The following TRIP12 variants were observed in gnomAD, a reference collection of about 807,000 sequenced individuals.
TRIP12 encodes the protein E3 ubiquitin-protein ligase TRIP12.
A neutral mutation model predicts 244.2 loss-of-function variants in TRIP12; 25 were observed. The ratio of observed to expected loss-of-function variants is 0.10; its 90% CI spans 0.07 to 0.14. The LOEUF (loss-of-function observed/expected upper bound fraction) is 0.14, where lower values mean the gene tolerates loss of function less well. TRIP12 is among the 10% of genes least tolerant of loss of function. The pLI is 1.00. For missense variants in TRIP12, 1,677 were observed against 2,486.4 expected (o/e 0.67, Z 6.92); for synonymous variants, 905 against 873.1 (o/e 1.04, Z -0.64).
intron 8 of TRIP12, among the ~76,000 whole-genome samples, chr2:229,819,008 AGAATG>A: frequency 6.6e-6 from 1 of 151,960 alleles, no homozygotes; most frequent in Middle Eastern, 3.4e-3. Flanking sequence ...AACAAAAAAG[AGAATG>A]GAAAGAATAT....
At chr2:229,811,928 A>G (rs963512698) in intron 13 of TRIP12, among the ~76,000 whole-genome samples, 1 of 152,206 alleles carries the variant, frequency 6.6e-6, no homozygotes, top group Non-Finnish European at 1.5e-5. Context: ...ACCTTCACTG[A>G]CACTACATAA....
intron 1 of TRIP12, among the ~76,000 whole-genome samples, chr2:229,906,892 C>T (rs1259876985): frequency 6.6e-6 from 1 of 152,032 alleles, no homozygotes; most frequent in African/African-American, 2.4e-5. Flanking sequence ...TATGCCATAT[C>T]ACACTGCTAA....
chr2:229,867,180 T>G (rs1265985418), intron 2 of TRIP12, among the ~76,000 whole-genome samples: 2 of 150,450 alleles, frequency 1.3e-5, no homozygotes, highest in African/African-American at 4.9e-5. Context: ...TGTTTTTTTT[T>G]TTTGAGACAG....
intron 37 of TRIP12, 64 bp from the exon 38 acceptor site, chr2:229,774,325 A>T (rs1273499950): frequency 6.8e-7 from 1 of 1,479,656 alleles, no homozygotes; most frequent in African/African-American, 1.4e-5. Flanking sequence ...GTTTAAAAAA[A>T]TAAAAGATAT....
chr2:229,777,755 T>C (rs1410006412), intron 36 of TRIP12, among the ~76,000 whole-genome samples: 1 of 152,196 alleles, frequency 6.6e-6, no homozygotes, highest in Non-Finnish European at 1.5e-5. Context: ...GAAAACTAAA[T>C]GGAACTTCTA....
At position 229,777,868 on chromosome 2, in the gene TRIP12, G is replaced by A. The variant is rs79692677; in HGVS notation, c.5365-389C>T. ...TTAAACATACTGATAAAGTGCCTCC[G>A]AAAACATGAGAAGAGCACGGTGGCT... On this transcript the variant is annotated intron_variant, in intron 36 of 41. Transcript: ENST00000675903. 3.4e-3 allele frequency among the ~76,000 whole-genome samples: 512 copies of A among 152,276 alleles called. 26 individuals are homozygous for A. The East Asian group carries it at 0.091, about 27-fold the overall frequency.
intron 3 of TRIP12, 97 bp downstream of exon 3, chr2:229,860,309 C>T: frequency 7.0e-7 from 1 of 1,433,580 alleles, no homozygotes; most frequent in South Asian, 1.5e-5. Context: ...AAATATGTAT[C>T]AAAACGTTTT....
chr2:229,872,051 G>A (rs1303629498), intron 2 of TRIP12, among the ~76,000 whole-genome samples: 2 of 132,130 alleles, frequency 1.5e-5, no homozygotes, highest in African/African-American at 2.7e-5. Flanking sequence ...TCTACATAAC[G>A]GAAAATTATA....
At chr2:229,903,182 A>C (rs1264773764) in intron 1 of TRIP12, among the ~76,000 whole-genome samples, 1 of 151,938 alleles carries the variant, frequency 6.6e-6, no homozygotes, top group Non-Finnish European at 1.5e-5. Flanking sequence ...CAATGGACAC[A>C]ATGACTTCAA....
chr2:229,815,435 T>A, intron 9 of TRIP12, 127 bp from the exon 10 acceptor site: 1 of 601,806 alleles, frequency 1.7e-6, no homozygotes, highest in Non-Finnish European at 2.9e-6. Context: ...CACACAAAAA[T>A]AACTTTAAGA....
intron 1 of TRIP12, among the ~76,000 whole-genome samples, chr2:229,916,748 T>C (rs900749456): frequency 3.3e-5 from 5 of 152,058 alleles, no homozygotes; most frequent in East Asian, 1.9e-4. Context: ...AACAGACTTA[T>C]TTCAGTCTAG....
chr2:229,832,854 A>T (rs1291714643), intron 6 of TRIP12, among the ~76,000 whole-genome samples: 1 of 152,242 alleles, frequency 6.6e-6, no homozygotes, highest in Non-Finnish European at 1.5e-5. Context: ...TACTGTTACT[A>T]GGTACAATAA....
At chr2:229,869,669 A>G (rs1158514099) in intron 2 of TRIP12, among the ~76,000 whole-genome samples, 1 of 152,220 alleles carries the variant, frequency 6.6e-6, no homozygotes, top group Admixed American at 6.5e-5. Context: ...TGTTCAACAG[A>G]TGAATGAATA....
intron 1 of TRIP12, among the ~76,000 whole-genome samples, chr2:229,892,250 G>T (rs912415955): frequency 2.0e-5 from 3 of 152,192 alleles, no homozygotes; most frequent in Non-Finnish European, 2.9e-5. Context: ...GAATCATCAG[G>T]TAACAGCTCT....
In TRIP12 at chr2:229,785,738, C is replaced by G. The variant is rs546568223; in HGVS notation, c.5094+19G>C. 2 of 1,608,300 alleles carry G rather than the reference C, an allele frequency of 1.2e-6. No homozygotes were observed. Among genetic ancestry groups the G allele is most frequent in the East Asian group, 2.2e-5 (1 of 44,778 alleles). On this transcript the variant is annotated intron_variant, in intron 34 of 41. Transcript: ENST00000675903. ...AGCACAAGTCAAGCTAAATAACCATCACCAGACTCCAAGCTCACCTCATTT... is the reference window on the plus strand; with the variant it reads ...AGCACAAGTCAAGCTAAATAACCATGACCAGACTCCAAGCTCACCTCATTT...
chr2:229,860,661 A>C (rs915504028), intron 2 of TRIP12, 130 bp from the exon 3 acceptor site: 30 of 922,800 alleles, frequency 3.3e-5, no homozygotes, highest in African/African-American at 5.1e-5. Context: ...CTTTTTCCAA[A>C]TATTTATAAA....
chr2:229,825,196 T>C lies in TRIP12; in HGVS notation c.1450+3997A>G, dbSNP rs535708651. On this transcript the variant is annotated intron_variant, in intron 8 of 41. Transcript: ENST00000675903. ...AAATGAGTCACTATATTATAATTAT[T>C]GGGAATTAGGACACTCACCATTGGA... Among the ~76,000 whole-genome samples, 13 of 152,330 alleles carry C rather than the reference T, an allele frequency of 8.5e-5. No individual in the cohort carries two copies. In the South Asian group the frequency reaches 2.7e-3, roughly 32 times the overall value.
At chr2:229,871,739 G>A (rs549534702) in intron 2 of TRIP12, among the ~76,000 whole-genome samples, 4 of 151,996 alleles carry the variant, frequency 2.6e-5, no homozygotes, top group Non-Finnish European at 5.9e-5. Context: ...TTTGAAATTA[G>A]AAAATACAAA....
Position 229,796,798 on chromosome 2 carries a change from A to C in TRIP12, c.3625-16T>G. 6.5e-7 allele frequency: 1 copy of C among 1,540,168 alleles called. No homozygotes were observed. The highest frequency in any genetic ancestry group is 2.3e-5 in the Admixed American group (1 of 43,850). On this transcript the variant is annotated splice_polypyrimidine_tract_variant and intron_variant, in intron 24 of 41. Transcript: ENST00000675903. ...CACCATCCACCTGAAAGAGTTAGGA[A>C]AAGTATTTCTATATTGATTTAAGCA...
Sources: gnomAD v4.1 joint callset for allele counts (sites outside exome capture counted in the v4.1 genomes callset) on GRCh38, gnomAD v4.1.1 for gene constraint, MANE v1.5 for transcripts, NCBI Gene and HGNC (gene_info 2026-07-23, HGNC 2026-07-21) for gene names.